The following RGL1 variants were observed in gnomAD, a reference collection of about 807,000 sequenced individuals.
The protein encoded by RGL1 is ral guanine nucleotide dissociation stimulator like 1, also known as ral guanine nucleotide dissociation stimulator-like 1.
A neutral mutation model predicts 95.2 loss-of-function variants in RGL1; 24 were observed. The observed-to-expected ratio is 0.25, with a 90% confidence interval of 0.18 to 0.35. RGL1 has a LOEUF of 0.35. Ranked by LOEUF, RGL1 falls within the 10% of genes least tolerant of loss-of-function variation. The pLI, the probability that RGL1 is intolerant of heterozygous loss-of-function variation, is 1.00. For synonymous variants in RGL1, 329 were observed against 344.9 expected (o/e 0.95, Z 0.51); for missense variants, 715 against 936.3 (o/e 0.76, Z 3.08).
chr1:183,847,322 G>A (rs1290020600), intron 2 of RGL1, among the ~76,000 whole-genome samples: 1 of 152,038 alleles, frequency 6.6e-6, no homozygotes, highest in Non-Finnish European at 1.5e-5. Context: ...GAGCATGGTT[G>A]CCTGAGCCTG....
intron 5 of RGL1, among the ~76,000 whole-genome samples, chr1:183,882,071 A>T (rs1188446873): frequency 6.6e-6 from 1 of 152,272 alleles, no homozygotes; most frequent in Non-Finnish European, 1.5e-5. Context: ...AGATTGCCTC[A>T]GTTCCCATGT....
chr1:183,674,083 A>G (rs1652655132), intron 1 of RGL1, among the ~76,000 whole-genome samples: 1 of 151,870 alleles, frequency 6.6e-6, no homozygotes, highest in Non-Finnish European at 1.5e-5. Flanking sequence ...TATTTCCTGG[A>G]CTCATCTTTC....
chr1:183,790,048 G>A (rs926105031), intron 2 of RGL1, among the ~76,000 whole-genome samples: 3 of 151,766 alleles, frequency 2.0e-5, no homozygotes, highest in African/African-American at 7.3e-5. Context: ...AGCCTCCCGA[G>A]TAGCTGGGAT....
At chr1:183,663,512 G>T (rs1651800680) in intron 1 of RGL1, among the ~76,000 whole-genome samples, 1 of 152,082 alleles carries the variant, frequency 6.6e-6, no homozygotes, top group Admixed American at 6.6e-5. Flanking sequence ...ATCACAATGA[G>T]ATACCATCTC....
intron 2 of RGL1, among the ~76,000 whole-genome samples, chr1:183,843,174 T>C (rs1397240041): frequency 6.6e-6 from 1 of 152,244 alleles, no homozygotes. Flanking sequence ...TGCATTGTTA[T>C]TTTGTGTGAG....
chr1:183,789,626 T>C (rs1202406995), intron 2 of RGL1, among the ~76,000 whole-genome samples: 1 of 152,140 alleles, frequency 6.6e-6, no homozygotes, highest in African/African-American at 2.4e-5. Flanking sequence ...TAGTATATTA[T>C]TATAAGCAAG....
chr1:183,878,250 G>A (rs1235262474), intron 4 of RGL1, among the ~76,000 whole-genome samples: 2 of 151,796 alleles, frequency 1.3e-5, no homozygotes, highest in African/African-American at 4.8e-5. Context: ...AGGCTGGAGT[G>A]CAGTGGTGTG....
chr1:183,890,231 G>A (rs1000418908), intron 8 of RGL1, among the ~76,000 whole-genome samples: 1 of 152,072 alleles, frequency 6.6e-6, no homozygotes, highest in African/African-American at 2.4e-5. Flanking sequence ...TCCTTTCTTT[G>A]ATGGTTGAAA....
At position 183,668,935 on chromosome 1, in the gene RGL1, C is replaced by CTTTT. The variant is rs551008973; in HGVS notation, c.-33+32435_-33+32438dup. On this transcript the variant is annotated intron_variant, in intron 1 of 18. Coordinates refer to the RGL1 transcript ENST00000304685. ...CTTTTTGCTTTTGGTATTGGACTTT[C>CTTTT]TTTTCTTTTTTTTTTTTTTTGAGAT... Among the ~76,000 whole-genome samples, 185 of 115,532 alleles carry CTTTT rather than the reference C, an allele frequency of 1.6e-3. 25 individuals carry two copies. Among genetic ancestry groups the CTTTT allele is most frequent in the Middle Eastern group, 5.6e-3 (1 of 180 alleles). 75.8% of individuals were successfully genotyped at this position (115,532 alleles called of 152,430 possible).
chr1:183,864,744 C>T (rs2102590004), intron 3 of RGL1, among the ~76,000 whole-genome samples: 1 of 152,220 alleles, frequency 6.6e-6, no homozygotes, highest in African/African-American at 2.4e-5. Flanking sequence ...GCCAAGAAAT[C>T]CATAAGGCTG....
At chr1:183,828,657 G>A (rs895318498) in intron 2 of RGL1, among the ~76,000 whole-genome samples, 5 of 152,186 alleles carry the variant, frequency 3.3e-5, no homozygotes, top group Non-Finnish European at 2.9e-5. Context: ...ATTATTGTGA[G>A]TATCAAATGA....
At chr1:183,685,908 T>C (rs1366883074) in intron 1 of RGL1, among the ~76,000 whole-genome samples, 3 of 152,226 alleles carry the variant, frequency 2.0e-5, no homozygotes, top group Non-Finnish European at 4.4e-5. Context: ...GTGGGACCAT[T>C]GTAGTTTCTA....
At chr1:183,838,605 A>G (rs1663824451) in intron 2 of RGL1, among the ~76,000 whole-genome samples, 1 of 152,068 alleles carries the variant, frequency 6.6e-6, no homozygotes, top group South Asian at 2.1e-4. Context: ...CTGCCTCCAC[A>G]TTTCTACTTT....
intron 2 of RGL1, among the ~76,000 whole-genome samples, chr1:183,830,605 T>C (rs890111983): frequency 2.6e-5 from 4 of 152,100 alleles, no homozygotes; most frequent in Non-Finnish European, 4.4e-5. Flanking sequence ...AAGAGCAATG[T>C]CAGCCCCAGA....
chr1:183,788,294 A>G (rs1660278434), intron 2 of RGL1, among the ~76,000 whole-genome samples: 1 of 152,208 alleles, frequency 6.6e-6, no homozygotes, highest in Admixed American at 6.5e-5. Context: ...TCCCAGTCCA[A>G]GCACATTAAA....
intron 1 of RGL1, among the ~76,000 whole-genome samples, chr1:183,672,829 G>A (rs1312137450): frequency 2.6e-5 from 4 of 152,166 alleles, no homozygotes; most frequent in Admixed American, 2.6e-4. Flanking sequence ...AGTCATACTT[G>A]GTGGGGATCC....
chr1:183,675,334 A>ATCCT (rs747929137), intron 1 of RGL1, among the ~76,000 whole-genome samples: 22 of 143,996 alleles, frequency 1.5e-4, no homozygotes, highest in East Asian at 4.0e-4. Context: ...CTTTCCCTCT[A>ATCCT]TCCTTCCTTC....
chr1:183,754,829 A>C (rs1039017947), intron 2 of RGL1: 1 of 152,202 alleles, frequency 6.6e-6, no homozygotes, highest in African/African-American at 2.4e-5. Context: ...ACAGAAAACA[A>C]AGTTTAAATT....
At chr1:183,637,758 T>C (rs1649648679) in intron 1 of RGL1, among the ~76,000 whole-genome samples, 1 of 152,170 alleles carries the variant, frequency 6.6e-6, no homozygotes, top group South Asian at 2.1e-4. Context: ...GAACACACAC[T>C]GGTAAAAATT....
Sources: gnomAD v4.1 joint callset for allele counts (sites outside exome capture counted in the v4.1 genomes callset) on GRCh38, gnomAD v4.1.1 for gene constraint, MANE v1.5 for transcripts, NCBI Gene and HGNC (gene_info 2026-07-23, HGNC 2026-07-21) for gene names.